CNBD1: variants seen among roughly 807,000 people sequenced by gnomAD.
CNBD1 encodes the protein cyclic nucleotide binding domain containing 1.
Under a neutral mutation model 54.4 loss-of-function variants are expected in CNBD1, and 71 were observed. That is an observed-to-expected ratio of 1.30 (90% CI 1.08 to 1.59). CNBD1 has a LOEUF of 1.59. Among genes scored for constraint, CNBD1 ranks in the 40% most tolerant of loss-of-function variants. The probability of loss-of-function intolerance (pLI) is 0.00; values close to 1 mark genes in which losing one functional copy is unlikely to be tolerated. For synonymous variants in CNBD1, 182 were observed against 170.7 expected (o/e 1.07, Z -0.51); for missense variants, 659 against 518.0 (o/e 1.27, Z -2.64).
At chr8:86,970,490 G>A (rs768465355) in intron 4 of CNBD1, among the ~76,000 whole-genome samples, 1 of 152,022 alleles carries the variant, frequency 6.6e-6, no homozygotes, top group African/African-American at 2.4e-5. Context: ...AGGGGTAAAT[G>A]TGCAAGTTTG....
chr8:87,367,123 A>C (rs554130554), intron 10 of CNBD1, among the ~76,000 whole-genome samples: 1 of 152,014 alleles, frequency 6.6e-6, no homozygotes, highest in East Asian at 1.9e-4. Flanking sequence ...ACATGAGATT[A>C]TATGTGGCCT....
At chr8:86,884,670 C>A (rs531291490) in intron 1 of CNBD1, among the ~76,000 whole-genome samples, 46 of 152,276 alleles carry the variant, frequency 3.0e-4, no homozygotes, top group Non-Finnish European at 5.7e-4. Flanking sequence ...TTCTCCCATC[C>A]AGCTTCTTGT....
intron 4 of CNBD1, among the ~76,000 whole-genome samples, chr8:87,154,194 TCC>T: frequency 6.6e-6 from 1 of 152,256 alleles, no homozygotes; most frequent in African/African-American, 2.4e-5. Flanking sequence ...CTATCGCATC[TCC>T]AATTTGGTGT....
intron 6 of CNBD1, among the ~76,000 whole-genome samples, chr8:87,269,438 T>A (rs1328726307): frequency 6.6e-6 from 1 of 152,114 alleles, no homozygotes; most frequent in Admixed American, 6.6e-5. Flanking sequence ...TTTGTAATTG[T>A]TTTTTCTAAT....
chr8:87,269,739 C>A (rs1167359469), intron 6 of CNBD1, among the ~76,000 whole-genome samples: 3 of 151,934 alleles, frequency 2.0e-5, no homozygotes, highest in Non-Finnish European at 4.4e-5. Flanking sequence ...CCTGAACAGA[C>A]CAATAACCAG....
chr8:87,374,401 A>T (rs1336967518), intron 10 of CNBD1, among the ~76,000 whole-genome samples: 2 of 151,896 alleles, frequency 1.3e-5, no homozygotes, highest in African/African-American at 4.8e-5. Flanking sequence ...ATGATAAAAA[A>T]TACCACATTT....
At chr8:87,276,067 C>A (rs1019033633) in intron 6 of CNBD1, among the ~76,000 whole-genome samples, 2 of 151,832 alleles carry the variant, frequency 1.3e-5, no homozygotes, top group Admixed American at 6.6e-5. Context: ...ACAAATATAA[C>A]CCTCACAGTA....
intron 4 of CNBD1, among the ~76,000 whole-genome samples, chr8:86,991,906 T>C (rs939631674): frequency 6.6e-6 from 1 of 152,164 alleles, no homozygotes; most frequent in South Asian, 2.1e-4. Context: ...TTCTTGAATT[T>C]ATTGAGACTT....
intron 5 of CNBD1, among the ~76,000 whole-genome samples, chr8:87,229,898 A>T (rs1168959723): frequency 6.6e-6 from 1 of 152,226 alleles, no homozygotes; most frequent in Non-Finnish European, 1.5e-5. Context: ...GAACTCTCTT[A>T]CAAATAATGT....
intron 8 of CNBD1, among the ~76,000 whole-genome samples, chr8:87,302,813 A>C (rs190113982): frequency 1.3e-5 from 2 of 152,180 alleles, no homozygotes; most frequent in Admixed American, 1.3e-4. Context: ...TCAATGTGCA[A>C]AAATCACAAG....
chr8:87,313,394 T>G (rs1011976360), intron 8 of CNBD1, among the ~76,000 whole-genome samples: 2 of 152,052 alleles, frequency 1.3e-5, no homozygotes, highest in African/African-American at 2.4e-5. Flanking sequence ...AACAATTTTA[T>G]GTGCTTAAGC....
At chr8:86,903,185 T>G (rs1808965434) in intron 2 of CNBD1, among the ~76,000 whole-genome samples, 1 of 152,092 alleles carries the variant, frequency 6.6e-6, no homozygotes, top group African/African-American at 2.4e-5. Context: ...ACTGAATCCA[T>G]GTACATTACC....
At chr8:87,370,945 T>G (rs1205697270) in intron 10 of CNBD1, among the ~76,000 whole-genome samples, 1 of 151,132 alleles carries the variant, frequency 6.6e-6, no homozygotes, top group Non-Finnish European at 1.5e-5. Context: ...TTTCTACATA[T>G]GGCTAGCCAG....
chr8:87,331,794 T>G (rs1809838013), intron 8 of CNBD1, among the ~76,000 whole-genome samples: 1 of 152,224 alleles, frequency 6.6e-6, no homozygotes, highest in South Asian at 2.1e-4. Context: ...GGTTTTGATA[T>G]GCATTTCTCT....
intron 8 of CNBD1, among the ~76,000 whole-genome samples, chr8:87,337,786 C>T (rs1329711608): frequency 1.3e-5 from 2 of 152,172 alleles, no homozygotes; most frequent in Non-Finnish European, 2.9e-5. Context: ...CTTCGTGGAT[C>T]ATGCCAGCCA....
chr8:87,299,053 T>C (rs1808936603), intron 8 of CNBD1, among the ~76,000 whole-genome samples: 1 of 152,172 alleles, frequency 6.6e-6, no homozygotes, highest in Non-Finnish European at 1.5e-5. Context: ...CTTCTTTCTG[T>C]TACATTATGA....
At chr8:86,903,028 G>T (rs867132251) in intron 2 of CNBD1, among the ~76,000 whole-genome samples, 5 of 152,170 alleles carry the variant, frequency 3.3e-5, no homozygotes, top group African/African-American at 7.2e-5. Context: ...TTGGGACATA[G>T]AATATAAATT....
chr8:87,266,234 A>C (rs940533535), intron 6 of CNBD1, among the ~76,000 whole-genome samples: 2 of 151,810 alleles, frequency 1.3e-5, no homozygotes, highest in Admixed American at 1.3e-4. Flanking sequence ...AGGTAATTTT[A>C]AAAACTATAC....
intron 10 of CNBD1, among the ~76,000 whole-genome samples, chr8:87,355,964 C>A (rs1244890468): frequency 1.3e-5 from 2 of 151,996 alleles, no homozygotes; most frequent in African/African-American, 4.8e-5. Context: ...AAAGAGCTGG[C>A]TCTTTAAAAG....
Sources: allele counts gnomAD v4.1 joint callset (sites outside exome capture counted in the v4.1 genomes callset), GRCh38; gene constraint gnomAD v4.1.1; transcripts MANE v1.5; gene names NCBI Gene and HGNC (gene_info 2026-07-23, HGNC 2026-07-21).